Variants in KRCC1 observed in about 807,000 individuals in gnomAD.
KRCC1 encodes lysine-rich coiled-coil protein 1.
In KRCC1, 3 loss-of-function variants were observed where a neutral mutation model predicts 7.4. That is an observed-to-expected ratio of 0.40 (90% CI 0.18 to 1.04). The LOEUF (loss-of-function observed/expected upper bound fraction) is 1.04. KRCC1 is among the 50% of genes least tolerant of loss of function. The pLI, the probability that KRCC1 is intolerant of heterozygous loss-of-function variation, is 0.33. For missense variants in KRCC1, 277 were observed against 300.9 expected (o/e 0.92, Z 0.59); for synonymous variants, 102 against 101.6 (o/e 1.00, Z -0.02).
intron 3 of KRCC1, among the ~76,000 whole-genome samples, chr2:88,033,549 T>C (rs1673036184): frequency 6.6e-6 from 1 of 152,164 alleles, no homozygotes; most frequent in African/African-American, 2.4e-5. Flanking sequence ...ACTAATAAGA[T>C]TTAAAAGATG....
chr2:88,030,969 G>A (rs1051004459), intron 3 of KRCC1, among the ~76,000 whole-genome samples: 2 of 152,050 alleles, frequency 1.3e-5, no homozygotes, highest in Non-Finnish European at 2.9e-5. Flanking sequence ...TGGTATAAAC[G>A]AATCTACTAT....
chr2:88,050,939 T>C lies in KRCC1; in HGVS notation c.-291+4687A>G, dbSNP rs1488695391. On this transcript the variant is annotated intron_variant, in intron 1 of 3. Transcript: ENST00000347055. ...TCCTTACTTGCTTTTTTTTTTTTTT[T>C]TTGAGACAGGGTCTTGCTCTGTCAC... is the stretch of plus-strand genomic sequence containing the variant. Among the ~76,000 whole-genome samples the C allele has an allele frequency of 2.7e-5, 3 of 110,902 alleles. No homozygotes were observed. In the East Asian group the frequency reaches 9.2e-4, roughly 34 times the overall value. The allele number at this position is 110,902 out of a possible 152,430, so 72.8% of individuals were successfully genotyped here.
At chr2:88,052,579 G>A (rs1038285860) in intron 1 of KRCC1, among the ~76,000 whole-genome samples, 2 of 141,360 alleles carry the variant, frequency 1.4e-5, no homozygotes, top group African/African-American at 2.5e-5. Flanking sequence ...GGGCAACTGC[G>A]TAAGTGAATA....
intron 1 of KRCC1, among the ~76,000 whole-genome samples, chr2:88,052,012 AGCACCTGC>A (rs1673500621): frequency 6.6e-6 from 1 of 152,220 alleles, no homozygotes; most frequent in Non-Finnish European, 1.5e-5. Context: ...AGGTGCTGGT[AGCACCTGC>A]ACTTGCTCAC....
rs1468718112 is a variant in KRCC1 at position 88,028,391 on chromosome 2, A to C, written c.173T>G (p.Met58Arg). 6.2e-7 allele frequency: 1 copy of C among 1,614,100 alleles called. No homozygotes were observed. The highest frequency in any genetic ancestry group is 8.5e-7 in the Non-Finnish European group (1 of 1,180,026). The change falls in exon 4 of 4, where the codon ATG becomes AGG. Residue 58 changes from methionine to arginine, a missense_variant. Transcript: ENST00000347055. ...GEVNSRPTYRMFDQRLPSETI... is the reference protein window; with the variant it reads ...GEVNSRPTYRRFDQRLPSETI... Reference sequence around the variant, plus strand: ...TTCAGATGGGAGTCTCTGGTCAAACATTCTATACGTGGGTCTGGAATTAAC... The same window carrying C: ...TTCAGATGGGAGTCTCTGGTCAAACCTTCTATACGTGGGTCTGGAATTAAC...
chr2:88,028,642 C>CTTTTTTTTTTTTTT (rs1419047999), intron 3 of KRCC1, 57 bp from the exon 4 acceptor site: 1 of 676,770 alleles, frequency 1.5e-6, no homozygotes, highest in Admixed American at 4.6e-5. Context: ...ATTTCCTTTG[C>CTTTTTTTTTTTTTT]TCTTTTTTTT....
chr2:88,033,252 G>A (rs1673029167), intron 3 of KRCC1, among the ~76,000 whole-genome samples: 1 of 150,486 alleles, frequency 6.6e-6, no homozygotes, highest in African/African-American at 2.4e-5. Flanking sequence ...GGCTGGGCGC[G>A]GTGGCTCAGG....
At chr2:88,033,511 G>C (rs1404189406) in intron 3 of KRCC1, among the ~76,000 whole-genome samples, 1 of 152,096 alleles carries the variant, frequency 6.6e-6, no homozygotes, top group Non-Finnish European at 1.5e-5. Flanking sequence ...GGGTGACAGA[G>C]AGAGACTCCG....
intron 1 of KRCC1, among the ~76,000 whole-genome samples, chr2:88,051,776 T>C (rs763434775): frequency 1.4e-4 from 21 of 152,244 alleles, no homozygotes; most frequent in Non-Finnish European, 2.6e-4. Context: ...CTTTATGAAT[T>C]ACAATTTTAG....
chr2:88,036,499 C>G (rs1390626884), intron 2 of KRCC1, among the ~76,000 whole-genome samples: 4 of 152,148 alleles, frequency 2.6e-5, no homozygotes, highest in Non-Finnish European at 5.9e-5. Flanking sequence ...CCTTCCAATG[C>G]TAGCATTCTA....
intron 1 of KRCC1, among the ~76,000 whole-genome samples, chr2:88,047,183 A>T (rs1281795977): frequency 6.6e-6 from 1 of 152,244 alleles, no homozygotes; most frequent in Non-Finnish European, 1.5e-5. Context: ...TTTTAGAAAC[A>T]GCAAAACCTG....
At chr2:88,052,637 C>A (rs1406403341) in intron 1 of KRCC1, among the ~76,000 whole-genome samples, 6 of 152,212 alleles carry the variant, frequency 3.9e-5, no homozygotes, top group African/African-American at 1.4e-4. Context: ...AAAGACTTGT[C>A]ACAGTATTTC....
intron 1 of KRCC1, among the ~76,000 whole-genome samples, chr2:88,042,343 A>G (rs1673229826): frequency 1.3e-5 from 2 of 152,142 alleles, no homozygotes. Context: ...TACAGGCGTG[A>G]GCCACTGCAC....
Position 88,028,357 on chromosome 2 carries a change from C to CT in KRCC1, c.206dup (p.Thr70AspfsTer24). The CT allele has an allele frequency of 6.2e-7, 1 of 1,614,130 alleles. No homozygotes were observed. Among genetic ancestry groups the CT allele is most frequent in the Non-Finnish European group, 8.5e-7 (1 of 1,180,036 alleles). Reference sequence around the variant, plus strand: ...GAATATTGCATGATCTTGGGTAGGTCTGGATGGTTTCAGATGGGAGTCTCT... The same window carrying CT: ...GAATATTGCATGATCTTGGGTAGGTCTTGGATGGTTTCAGATGGGAGTCTCT... On this transcript the variant is annotated frameshift_variant, in exon 4 of 4. Coordinates refer to ENST00000347055, the MANE Select transcript of KRCC1 (RefSeq NM_016618.3). LOFTEE classifies it low-confidence loss of function (END_TRUNC).
chr2:88,044,922 G>C (rs1205489847), intron 1 of KRCC1, among the ~76,000 whole-genome samples: 1 of 136,828 alleles, frequency 7.3e-6, no homozygotes, highest in Non-Finnish European at 1.5e-5. Flanking sequence ...GCAGTGGCAT[G>C]ATCATAACTT....
At chr2:88,034,969 TAA>T (rs974811455) in intron 2 of KRCC1, among the ~76,000 whole-genome samples, 1 of 152,192 alleles carries the variant, frequency 6.6e-6, no homozygotes, top group Non-Finnish European at 1.5e-5. Context: ...GAATAATAAA[TAA>T]GTTTTGTTTA....
At chr2:88,031,786 A>G (rs1394833550) in intron 3 of KRCC1, among the ~76,000 whole-genome samples, 1 of 152,146 alleles carries the variant, frequency 6.6e-6, no homozygotes, top group African/African-American at 2.4e-5. Context: ...AAAAGTTTAT[A>G]AAGTGAAAAA....
intron 3 of KRCC1, among the ~76,000 whole-genome samples, chr2:88,029,856 T>A (rs373925972): frequency 0.044 from 890 of 20,356 alleles, 7 homozygotes; most frequent in African/African-American, 0.064. Flanking sequence ...ATATATATAT[T>A]TTTTTTTTTG....
chr2:88,039,134 T>C (rs1166958135), intron 1 of KRCC1, among the ~76,000 whole-genome samples: 1 of 34,144 alleles, frequency 2.9e-5, no homozygotes, highest in East Asian at 3.1e-3. Context: ...GTTTGAGAAA[T>C]GGGAAATTGG....
Sources: gnomAD v4.1 joint callset for allele counts (sites outside exome capture counted in the v4.1 genomes callset) on GRCh38, gnomAD v4.1.1 for gene constraint, MANE v1.5 for transcripts, NCBI Gene and HGNC (gene_info 2026-07-23, HGNC 2026-07-21) for gene names.